The following TECPR2 variants were observed in gnomAD, a reference collection of about 807,000 sequenced individuals.
TECPR2 encodes tectonin beta-propeller repeat containing 2.
TECPR2 carries 65 observed loss-of-function variants against 138.1 expected under a neutral mutation model. The observed-to-expected ratio is 0.47, with a 90% CI of 0.39 to 0.58. TECPR2 has a LOEUF of 0.58. TECPR2 is among the 20% of genes least tolerant of loss of function. The pLI, the probability that TECPR2 is intolerant of heterozygous loss-of-function variation, is 0.00. For missense variants in TECPR2, 1,553 were observed against 1,824.5 expected, an observed-to-expected ratio of 0.85 and a Z score of 2.71; for synonymous variants, 746 against 749.8, an observed-to-expected ratio of 0.99 and a Z score of 0.08.
chr14:102,374,021 G>A (rs973408865), intron 1 of TECPR2, among the ~76,000 whole-genome samples: 7 of 148,106 alleles, frequency 4.7e-5, no homozygotes, highest in Admixed American at 4.1e-4. Flanking sequence ...GCAGTGAGCC[G>A]AGATCGCACC....
intron 9 of TECPR2, 89 bp downstream of exon 9, chr14:102,435,300 A>G (rs1889634493): frequency 1.3e-6 from 2 of 1,486,518 alleles, no homozygotes; most frequent in Non-Finnish European, 8.9e-7. Flanking sequence ...CTTCTCATGG[A>G]AAGAAATTCT....
chr14:102,460,096 C>G (rs1211221763), intron 16 of TECPR2, among the ~76,000 whole-genome samples: 1 of 151,940 alleles, frequency 6.6e-6, no homozygotes, highest in African/African-American at 2.4e-5. Context: ...CATAGCAAAA[C>G]CCTGTCTCTA....
chr14:102,489,168 C>T (rs1891103467), intron 17 of TECPR2, among the ~76,000 whole-genome samples: 1 of 152,102 alleles, frequency 6.6e-6, no homozygotes, highest in Non-Finnish European at 1.5e-5. Flanking sequence ...AGGCATGAGC[C>T]ACTGTGCCCA....
Position 102,498,300 on chromosome 14 carries a change from G to T in TECPR2, c.*43G>T. The T allele has an allele frequency of 6.4e-7, 1 of 1,568,950 alleles. No homozygotes were observed. Among genetic ancestry groups the T allele is most frequent in the Non-Finnish European group, 8.6e-7 (1 of 1,165,436 alleles). On this transcript the variant is annotated 3_prime_UTR_variant, in exon 20 of 20. Transcript: ENST00000359520. The stretch of plus-strand genomic sequence containing the variant: ...CACGCGGAGGGGCCCGGCGTCTGTG[G>T]CGGGCACAGGGGCTTCAGAGTGACT...
intron 17 of TECPR2, among the ~76,000 whole-genome samples, chr14:102,477,326 C>T (rs556620222): frequency 2.7e-5 from 4 of 150,738 alleles, no homozygotes; most frequent in Non-Finnish European, 4.4e-5. Context: ...ACCGTGATGA[C>T]GCCATTGCAC....
chr14:102,433,177 T>G lies in TECPR2; in HGVS notation c.1417+1049T>G, dbSNP rs551192122. Among the ~76,000 whole-genome samples, 4 of 152,108 alleles carry G rather than the reference T, an allele frequency of 2.6e-5. No homozygotes were observed. The South Asian group carries it at 6.2e-4, about 24-fold the overall frequency. On this transcript the variant is annotated intron_variant, in intron 8 of 19. Transcript: ENST00000359520. ...CCAAATATGGGATTTAACATTGAAT[T>G]TTTTTCTTTTTTTTTTTCAACTTTT...
At chr14:102,447,682 G>A (rs1417064150) in intron 13 of TECPR2, among the ~76,000 whole-genome samples, 6 of 152,150 alleles carry the variant, frequency 3.9e-5, no homozygotes, top group South Asian at 2.1e-4. Flanking sequence ...CTACAGGCAC[G>A]CACCACCAGG....
At chr14:102,467,332 T>TA (rs1032132551) in intron 17 of TECPR2, among the ~76,000 whole-genome samples, 6 of 150,680 alleles carry the variant, frequency 4.0e-5, no homozygotes, top group Admixed American at 2.6e-4. Flanking sequence ...TTTTTTTTTT[T>TA]TTTTTTTTTG....
rs138857890 is a variant in TECPR2 at position 102,370,350 on chromosome 14, C to G, written c.-72-6300C>G. On this transcript the variant is annotated intron_variant, in intron 1 of 19. Coordinates refer to ENST00000359520, the MANE Select transcript of TECPR2 (RefSeq NM_014844.5). ...GCTCCCAAAGTGCTGGGATTACACGCGTGAACCACCACACCCGGCCGGTAA... is the reference window on the plus strand; with the variant it reads ...GCTCCCAAAGTGCTGGGATTACACGGGTGAACCACCACACCCGGCCGGTAA... Among the ~76,000 whole-genome samples the G allele has an allele frequency of 1.3e-5, 2 of 152,110 alleles. 1 individual carries two copies. The highest frequency in any genetic ancestry group is 4.1e-4 in the South Asian group (2 of 4,828).
intron 2 of TECPR2, among the ~76,000 whole-genome samples, chr14:102,386,787 C>A (rs1240392898): frequency 6.6e-6 from 1 of 152,108 alleles, no homozygotes; most frequent in Non-Finnish European, 1.5e-5. Context: ...AGTGGTTTAA[C>A]CCCAGAGATG....
At chr14:102,375,693 A>T (rs1014080731) in intron 1 of TECPR2, among the ~76,000 whole-genome samples, 7 of 152,202 alleles carry the variant, frequency 4.6e-5, no homozygotes, top group African/African-American at 1.7e-4. Flanking sequence ...GTAGAGCTAA[A>T]ATATCCCTCC....
At chr14:102,472,442 A>G (rs1890671280) in intron 17 of TECPR2, among the ~76,000 whole-genome samples, 2 of 152,368 alleles carry the variant, frequency 1.3e-5, no homozygotes, top group African/African-American at 2.4e-5. Context: ...AATTCACATG[A>G]AAGGACCTCA....
chr14:102,475,729 C>A (rs1890743608), intron 17 of TECPR2, among the ~76,000 whole-genome samples: 1 of 151,968 alleles, frequency 6.6e-6, no homozygotes, highest in African/African-American at 2.4e-5. Flanking sequence ...AACATTTACC[C>A]AACAAGCAGA....
intron 5 of TECPR2, among the ~76,000 whole-genome samples, chr14:102,422,163 G>C (rs1401189179): frequency 6.6e-6 from 1 of 152,120 alleles, no homozygotes; most frequent in Non-Finnish European, 1.5e-5. Context: ...TGACACCTGT[G>C]GGCTAAGGGG....
At chr14:102,430,070 G>A (rs1039650339) in intron 7 of TECPR2, among the ~76,000 whole-genome samples, 1 of 152,046 alleles carries the variant, frequency 6.6e-6, no homozygotes, top group Non-Finnish European at 1.5e-5. Context: ...GGGTTCAAAC[G>A]ATTCTCCTGC....
intron 5 of TECPR2, among the ~76,000 whole-genome samples, chr14:102,418,779 T>C (rs1278065164): frequency 6.6e-6 from 1 of 151,986 alleles, no homozygotes; most frequent in Non-Finnish European, 1.5e-5. Flanking sequence ...GAAGACAGGA[T>C]GGGGCGGGGT....
chr14:102,414,922 G>T, intron 5 of TECPR2, 129 bp downstream of exon 5: 2 of 1,195,328 alleles, frequency 1.7e-6, no homozygotes, highest in South Asian at 3.0e-5. Flanking sequence ...TCTAAGCCTG[G>T]GGTTCCTGGT....
intron 1 of TECPR2, among the ~76,000 whole-genome samples, chr14:102,368,629 T>C (rs1459549905): frequency 6.6e-6 from 1 of 152,112 alleles, no homozygotes; most frequent in Non-Finnish European, 1.5e-5. Flanking sequence ...TTTTTTATTT[T>C]TGTCGGTGGT....
chr14:102,391,551 C>T (rs983755429), intron 2 of TECPR2, among the ~76,000 whole-genome samples: 1 of 151,984 alleles, frequency 6.6e-6, no homozygotes, highest in African/African-American at 2.4e-5. Context: ...CATGGGTGCT[C>T]ATTTTTTAGT....
Sources: allele counts gnomAD v4.1 joint callset (sites outside exome capture counted in the v4.1 genomes callset), GRCh38; gene constraint gnomAD v4.1.1; transcripts MANE v1.5; gene names NCBI Gene and HGNC (gene_info 2026-07-23, HGNC 2026-07-21).